Variants in RPS27A observed in about 807,000 individuals in gnomAD.
The protein encoded by RPS27A is ribosomal protein S27a, also known as ubiquitin-ribosomal protein eS31 fusion protein.
Under a neutral mutation model 18.9 loss-of-function variants are expected in RPS27A, and 1 was observed. The observed-to-expected ratio is 0.05, with a 90% CI of 0.02 to 0.25. RPS27A has a LOEUF of 0.25. Among genes scored for constraint, RPS27A ranks in the 10% least tolerant of loss-of-function variants. The pLI is 1.00. For synonymous variants in RPS27A, 77 were observed against 63.7 expected, an observed-to-expected ratio of 1.21 and a Z score of -0.99; for missense variants, 123 against 187.4, an observed-to-expected ratio of 0.66 and a Z score of 2.01.
chr2:55,234,911 G>A lies in RPS27A; in HGVS notation c.270G>A (p.Lys90=), dbSNP rs141734431. The A allele has an allele frequency of 4.0e-5, 64 of 1,613,214 alleles. No homozygotes were observed. Among genetic ancestry groups the A allele is most frequent in the Non-Finnish European group, 5.0e-5 (59 of 1,179,878 alleles). Residue 90 remains lysine (K), a synonymous_variant, in exon 5 of 6, where the codon AAG becomes AAA. Transcript: ENST00000272317. ...RKKKSYTTPK[K]NKHKRKKVKL... Reference sequence around the variant, plus strand: ...AGAAGTCTTACACCACTCCCAAGAAGAATAAGCACAAGAGAAAGAAGGTTA... The same window carrying A: ...AGAAGTCTTACACCACTCCCAAGAAAAATAAGCACAAGAGAAAGAAGGTTA...
intron 2 of RPS27A, 61 bp from the exon 3 acceptor site, chr2:55,233,299 CTAA>C: frequency 7.4e-7 from 1 of 1,359,880 alleles, no homozygotes; most frequent in Non-Finnish European, 1.1e-6. Flanking sequence ...AATTGTCAAA[CTAA>C]ATGAGTTCTG....
chr2:55,235,833 A>ATG lies in RPS27A; in HGVS notation c.*258_*259dup, dbSNP rs1170443674. The ATG allele has an allele frequency of 5.8e-6, 3 of 521,382 alleles. No individual in the cohort carries two copies. The highest frequency in any genetic ancestry group is 1.9e-5 in the African/African-American group (1 of 52,046). 32.3% of individuals were successfully genotyped at this position (521,382 alleles called of 1,614,324 possible). On this transcript the variant is annotated 3_prime_UTR_variant, in exon 6 of 6. Coordinates refer to ENST00000272317, the MANE Select transcript of RPS27A (RefSeq NM_002954.6). ...TATACTTTGGCAGAAGTTATATTTA[A>ATG]TGTAAGTTGTCTAAATATAAGCCAG...
At chr2:55,232,602 C>T, upstream of RPS27A, 3 of 603,912 alleles carry the variant, frequency 5.0e-6, no homozygotes, top group Non-Finnish European at 9.0e-6. Context: ...GCTGGGACGG[C>T]AGTCAGGCAT....
intron 2 of RPS27A, 106 bp downstream of exon 2, chr2:55,232,978 G>A: frequency 2.0e-6 from 2 of 984,076 alleles, no homozygotes; most frequent in South Asian, 1.4e-5. Flanking sequence ...TCCGAATTTG[G>A]GTTCTAAAAC....
At chr2:55,233,333 AC>A (rs1272509849) in intron 2 of RPS27A, 29 bp from the exon 3 acceptor site, 1 of 1,585,766 alleles carries the variant, frequency 6.3e-7, no homozygotes, top group East Asian at 2.2e-5. Context: ...TTAATGTGTA[AC>A]CAACATGCTT....
chr2:55,235,767 C>A lies in RPS27A; in HGVS notation c.*190C>A. The A allele has an allele frequency of 1.5e-6, 1 of 649,450 alleles. No homozygotes were observed. The highest frequency in any genetic ancestry group is 1.8e-5 in the South Asian group (1 of 55,108). 40.2% of individuals were successfully genotyped at this position (649,450 alleles called of 1,614,324 possible). ...GTTCTGTATACCTGCCAGGTGCCAA[C>A]CACTTGTAAAGGTCTTGATATTTTC... On this transcript the variant is annotated 3_prime_UTR_variant, in exon 6 of 6. Transcript: ENST00000272317.
At chr2:55,235,303 C>T in intron 5 of RPS27A, 125 bp from the exon 6 acceptor site, 2 of 1,070,700 alleles carry the variant, frequency 1.9e-6, no homozygotes, top group Non-Finnish European at 2.9e-6. Flanking sequence ...ATTTAGGGTG[C>T]TTTGGTTTGT....
At chr2:55,233,140 T>G in intron 2 of RPS27A, 1 of 638,738 alleles carries the variant, frequency 1.6e-6, no homozygotes, top group Admixed American at 2.6e-5. Flanking sequence ...GCCCGCCGGG[T>G]GCGAGCACGT....
intron 2 of RPS27A, 197 bp from the exon 3 acceptor site, chr2:55,233,166 C>T (rs1675577469): frequency 3.0e-6 from 2 of 660,342 alleles, no homozygotes; most frequent in Non-Finnish European, 5.4e-6. Context: ...CCTGCGGCCG[C>T]CGCCCGCTCT....
chr2:55,234,215 G>C lies in RPS27A; in HGVS notation c.189+11G>C, dbSNP rs371167362. On this transcript the variant is annotated intron_variant, in intron 4 of 5. Transcript: ENST00000272317. ...TACAATATTCAAAAGGTCTGTCTAG[G>C]GGAAGAGCAGCCTCTTTTAAAAAAA... 3.9e-6 allele frequency: 6 copies of C among 1,551,464 alleles called. No individual in the cohort carries two copies. Among genetic ancestry groups the C allele is most frequent in the Non-Finnish European group, 5.3e-6 (6 of 1,122,796 alleles).
intron 5 of RPS27A, 38 bp downstream of exon 5, chr2:55,235,000 G>C: frequency 3.1e-6 from 5 of 1,607,836 alleles, no homozygotes; most frequent in Non-Finnish European, 4.2e-6. Context: ...GCAAAGTCTT[G>C]GCTTATTTGG....
intron 2 of RPS27A, 129 bp downstream of exon 2, chr2:55,233,001 A>G: frequency 1.2e-6 from 1 of 827,464 alleles, no homozygotes; most frequent in Non-Finnish European, 2.1e-6. Flanking sequence ...AAGCTTTGAA[A>G]TGAGTACCTT....
At chr2:55,234,340 C>G in intron 4 of RPS27A, 136 bp downstream of exon 4, 1 of 697,740 alleles carries the variant, frequency 1.4e-6, no homozygotes, top group South Asian at 1.6e-5. Flanking sequence ...CAACCTCCAC[C>G]TCTCAGACTC....
rs527477921 is a variant in RPS27A, at chr2:55,235,367, C to T, written c.322-61C>T. The T allele has an allele frequency of 5.0e-6, 8 of 1,587,260 alleles. No homozygotes were observed. The East Asian group carries it at 6.7e-5, about 13-fold the overall frequency. On this transcript the variant is annotated intron_variant, in intron 5 of 5. Transcript: ENST00000272317. ...TTAAAAGCTTAAATATTTTGAGTCA[C>T]TTAAATTAGACTTCAGAATGTGTTG...
intron 4 of RPS27A, 195 bp from the exon 5 acceptor site, chr2:55,234,636 G>T (rs969189779): frequency 1.5e-6 from 1 of 648,012 alleles, no homozygotes; most frequent in Admixed American, 2.5e-5. Context: ...GTATCCCATG[G>T]TGTAATGTAA....
At chr2:55,234,089 T>A in intron 3 of RPS27A, 30 bp from the exon 4 acceptor site, 4 of 1,473,090 alleles carry the variant, frequency 2.7e-6, no homozygotes, top group Non-Finnish European at 3.8e-6. Context: ...CTTGGTGTGC[T>A]GTGACTTAAT....
chr2:55,235,687 A>G lies in RPS27A; in HGVS notation c.*110A>G, dbSNP rs544649053. 36 of 1,227,048 alleles carry G rather than the reference A, an allele frequency of 2.9e-5. No homozygotes were observed. Among genetic ancestry groups the G allele is most frequent in the Non-Finnish European group, 3.9e-5 (33 of 846,316 alleles). The allele number at this position is 1,227,048 out of a possible 1,614,324, so 76.0% of individuals were successfully genotyped here. On this transcript the variant is annotated 3_prime_UTR_variant, in exon 6 of 6. Transcript: ENST00000272317. The stretch of plus-strand genomic sequence containing the variant: ...GATGGTCACACCATTTCCTTTTAGT[A>G]GTGCTACTGCTATCGCTGTGTGAAT...
At chr2:55,233,084 C>G in intron 2 of RPS27A, 1 of 651,542 alleles carries the variant, frequency 1.5e-6, no homozygotes, top group Non-Finnish European at 2.8e-6. Context: ...GGGGTTCCAG[C>G]TAGTTAGTTA....
At chr2:55,234,398 C>T (rs1278055691) in intron 4 of RPS27A, 194 bp downstream of exon 4, 15 of 607,596 alleles carry the variant, frequency 2.5e-5, no homozygotes, top group Middle Eastern at 4.5e-4. Flanking sequence ...TATAGGCACC[C>T]GCCACCATGC....
Sources: allele counts gnomAD v4.1 joint callset, GRCh38; gene constraint gnomAD v4.1.1; transcripts MANE v1.5; gene names NCBI Gene and HGNC (gene_info 2026-07-23, HGNC 2026-07-21).